TENM4: variants seen among roughly 807,000 people sequenced by gnomAD.
The protein encoded by TENM4 is teneurin transmembrane protein 4, also known as teneurin-4.
In TENM4, 82 loss-of-function variants were observed where a neutral mutation model predicts 243.3. The ratio of observed to expected loss-of-function variants is 0.34; its 90% CI spans 0.28 to 0.40. The LOEUF (loss-of-function observed/expected upper bound fraction) is 0.40. Ranked by LOEUF, TENM4 falls within the 10% of genes least tolerant of loss-of-function variation. The probability of loss-of-function intolerance (pLI) is 1.00; values close to 1 mark genes in which losing one functional copy is unlikely to be tolerated. For missense variants in TENM4, 3,138 were observed against 3,673.3 expected (o/e 0.85, Z 3.77); for synonymous variants, 1,412 against 1,456.3 (o/e 0.97, Z 0.69).
At chr11:78,834,405 T>C (rs1397535610) in intron 12 of TENM4, among the ~76,000 whole-genome samples, 1 of 152,234 alleles carries the variant, frequency 6.6e-6, no homozygotes, top group Non-Finnish European at 1.5e-5. Flanking sequence ...GCTGGAAGGT[T>C]TCCTCAGATG....
chr11:79,039,823 A>G (rs1306800372), intron 6 of TENM4, among the ~76,000 whole-genome samples: 2 of 152,180 alleles, frequency 1.3e-5, no homozygotes, highest in African/African-American at 4.8e-5. Flanking sequence ...CAAACAAACA[A>G]AATAGTACCT....
chr11:78,736,443 CAA>C, intron 20 of TENM4, among the ~76,000 whole-genome samples: 1 of 123,232 alleles, frequency 8.1e-6, no homozygotes, highest in African/African-American at 3.3e-5. Context: ...GGGATTTCAG[CAA>C]GTGTGTGTGT....
At chr11:79,145,700 T>C (rs770954128) in intron 4 of TENM4, among the ~76,000 whole-genome samples, 12 of 152,268 alleles carry the variant, frequency 7.9e-5, no homozygotes, top group South Asian at 2.1e-4. Context: ...TTAGCTGATA[T>C]TGCCAAACAG....
intron 19 of TENM4, among the ~76,000 whole-genome samples, chr11:78,751,267 G>A (rs1028372304): frequency 1.1e-4 from 16 of 152,186 alleles, no homozygotes; most frequent in African/African-American, 3.6e-4. Context: ...TATAGGATAC[G>A]ATTCTCTGCC....
At chr11:79,403,058 G>A (rs1858494267) in intron 1 of TENM4, among the ~76,000 whole-genome samples, 1 of 152,160 alleles carries the variant, frequency 6.6e-6, no homozygotes, top group Non-Finnish European at 1.5e-5. Context: ...ATGACAAGAG[G>A]CAGCTAATAG....
At position 78,657,189 on chromosome 11, in the gene TENM4, A is replaced by T. The variant is rs1857916242; in HGVS notation, c.*869T>A. The T allele has an allele frequency of 2.5e-6, 1 of 398,672 alleles. No individual in the cohort carries two copies. The highest frequency in any genetic ancestry group is 4.4e-6 in the Non-Finnish European group (1 of 226,154). 24.7% of individuals were successfully genotyped at this position (398,672 alleles called of 1,614,324 possible). A position where few individuals can be genotyped will look rare whatever the true frequency, so the allele number is the denominator to read the frequency against. ...ATCTGGCTTTGGGAGAAAGGAGGAG[A>T]TGAACAGGAACATCATGGAGGACCA... On this transcript the variant is annotated 3_prime_UTR_variant, in exon 34 of 34. Coordinates refer to ENST00000278550, the MANE Select transcript of TENM4 (RefSeq NM_001098816.3).
At chr11:78,879,335 G>A (rs7120488) in intron 9 of TENM4, among the ~76,000 whole-genome samples, 26,558 of 134,226 alleles carry the variant, frequency 0.2, 201 homozygotes, top group Middle Eastern at 0.23. Context: ...TGTGAGGAGC[G>A]CCTCTGCCCG....
intron 3 of TENM4, among the ~76,000 whole-genome samples, chr11:79,209,917 C>T (rs925709360): frequency 6.6e-6 from 1 of 152,156 alleles, no homozygotes; most frequent in Non-Finnish European, 1.5e-5. Flanking sequence ...GAAATGGGGA[C>T]ATTTCTATCT....
intron 2 of TENM4, among the ~76,000 whole-genome samples, chr11:79,258,308 A>C (rs747999339): frequency 6.6e-6 from 1 of 152,206 alleles, no homozygotes; most frequent in African/African-American, 2.4e-5. Context: ...GAATTAATGC[A>C]TCTCCACACT....
intron 2 of TENM4, among the ~76,000 whole-genome samples, chr11:79,237,142 C>A (rs777972527): frequency 6.6e-6 from 1 of 152,174 alleles, no homozygotes; most frequent in Non-Finnish European, 1.5e-5. Flanking sequence ...ACTGAGCCAA[C>A]ACCCGTCTGT....
chr11:79,179,248 A>G (rs1863234335), intron 3 of TENM4, among the ~76,000 whole-genome samples: 1 of 152,224 alleles, frequency 6.6e-6, no homozygotes, highest in Admixed American at 6.5e-5. Flanking sequence ...TTTGTATTTA[A>G]AGAGCACAGC....
chr11:79,424,728 A>G (rs918207427), intron 1 of TENM4, among the ~76,000 whole-genome samples: 3 of 152,140 alleles, frequency 2.0e-5, no homozygotes, highest in Admixed American at 1.3e-4. Flanking sequence ...AGGTCAGGAT[A>G]TCGAGACCAC....
intron 15 of TENM4, among the ~76,000 whole-genome samples, chr11:78,801,397 C>T (rs985500983): frequency 1.3e-5 from 2 of 152,092 alleles, no homozygotes; most frequent in Non-Finnish European, 2.9e-5. Flanking sequence ...ACAGTTATGT[C>T]GTGTGATTTA....
chr11:79,338,661 GA>G (rs1338410263), intron 1 of TENM4, among the ~76,000 whole-genome samples: 4 of 152,224 alleles, frequency 2.6e-5, no homozygotes, highest in African/African-American at 9.6e-5. Context: ...AGTATGGAAT[GA>G]AAAATGTTCT....
At chr11:78,859,263 C>T (rs1426375081) in intron 10 of TENM4, among the ~76,000 whole-genome samples, 2 of 152,142 alleles carry the variant, frequency 1.3e-5, no homozygotes, top group African/African-American at 4.8e-5. Flanking sequence ...TAAAGGGCAA[C>T]AGTCAGGGTC....
chr11:79,174,176 G>A (rs142454132), intron 3 of TENM4, among the ~76,000 whole-genome samples: 19 of 152,090 alleles, frequency 1.2e-4, no homozygotes, highest in Non-Finnish European at 2.2e-4. Context: ...TGGTCTCCCC[G>A]CCCCCACAGC....
chr11:79,234,014 A>G (rs1465017521), intron 2 of TENM4, among the ~76,000 whole-genome samples: 2 of 152,204 alleles, frequency 1.3e-5, no homozygotes, highest in African/African-American at 2.4e-5. Flanking sequence ...TGCAAAGAGC[A>G]CAGAGTTTGG....
At chr11:79,191,672 AG>A (rs760493624) in intron 3 of TENM4, 16 of 186,138 alleles carry the variant, frequency 8.6e-5, no homozygotes, top group Non-Finnish European at 1.6e-4. Flanking sequence ...CATCCCATCT[AG>A]GAAGTGAGGA....
chr11:79,069,722 C>G lies in TENM4; in HGVS notation c.223G>C (p.Gly75Arg). 1 of 1,550,184 alleles carries G rather than the reference C, an allele frequency of 6.5e-7. No homozygotes were observed. The highest frequency in any genetic ancestry group is 2.4e-5 in the East Asian group (1 of 40,910). The change falls in exon 5 of 34, where the codon GGT (glycine) becomes CGT (arginine). Residue 75 changes from glycine (G) to arginine (R), a missense_variant and splice_region_variant. This residue lies in a region of TENM4 where 671 missense variants were observed against 614.1 expected (regional missense o/e 1.09). Transcript: ENST00000278550. Reference protein sequence around the residue: ...PQEAEEFCRTGANFTLRELGL... With the variant: ...PQEAEEFCRTRANFTLRELGL... Reference sequence around the variant, plus strand: ...CCCGCCCCCTCGGCCTTGTCCTTACCTGTGCGGCAGAATTCCTCGGCCTCC... The same window carrying G: ...CCCGCCCCCTCGGCCTTGTCCTTACGTGTGCGGCAGAATTCCTCGGCCTCC...
Sources: allele counts gnomAD v4.1 joint callset (sites outside exome capture counted in the v4.1 genomes callset), GRCh38; gene constraint gnomAD v4.1.1; regional missense constraint gnomAD v4.1.1; transcripts MANE v1.5; gene names NCBI Gene and HGNC (gene_info 2026-07-23, HGNC 2026-07-21).